PAPPA2: variants seen among roughly 807,000 people sequenced by gnomAD.
PAPPA2 encodes pappalysin 2.
In PAPPA2, 86 loss-of-function variants were observed where a neutral mutation model predicts 176.4. That is an observed-to-expected ratio of 0.49 (90% confidence interval 0.41 to 0.58). The LOEUF is 0.58. Among genes scored for constraint, PAPPA2 ranks in the 20% least tolerant of loss-of-function variants. PAPPA2 has a pLI of 0.00. For synonymous variants in PAPPA2, 809 were observed against 852.2 expected, an observed-to-expected ratio of 0.95 and a Z score of 0.88; for missense variants, 2,073 against 2,256.9, an observed-to-expected ratio of 0.92 and a Z score of 1.65.
intron 3 of PAPPA2, among the ~76,000 whole-genome samples, chr1:176,597,025 A>G (rs1214235536): frequency 1.3e-5 from 2 of 152,184 alleles, no homozygotes; most frequent in African/African-American, 2.4e-5. Flanking sequence ...TGTATTGGAC[A>G]CCATTTGTAC....
At chr1:176,634,721 A>C (rs1656562126) in intron 3 of PAPPA2, among the ~76,000 whole-genome samples, 1 of 151,928 alleles carries the variant, frequency 6.6e-6, no homozygotes, top group Non-Finnish European at 1.5e-5. Context: ...GTAGTCTGGG[A>C]AAAGATAAAT....
chr1:176,527,956 C>T (rs1261304302), intron 1 of PAPPA2, among the ~76,000 whole-genome samples: 1 of 152,224 alleles, frequency 6.6e-6, no homozygotes, highest in Admixed American at 6.5e-5. Flanking sequence ...ATGGCCAACT[C>T]ATTTCAACTT....
intron 3 of PAPPA2, among the ~76,000 whole-genome samples, chr1:176,650,206 G>A (rs1200240413): frequency 6.6e-6 from 1 of 151,322 alleles, no homozygotes; most frequent in Non-Finnish European, 1.5e-5. Context: ...TGAAATAAAT[G>A]TAGCTACTCC....
At chr1:176,691,048 A>C in intron 5 of PAPPA2, 2 of 985,474 alleles carry the variant, frequency 2.0e-6, no homozygotes, top group Non-Finnish European at 2.4e-6. Flanking sequence ...GCCCTCGGAA[A>C]AACTTGTCAT....
chr1:176,707,800 T>C (rs1452387204), intron 10 of PAPPA2, among the ~76,000 whole-genome samples: 2 of 152,140 alleles, frequency 1.3e-5, no homozygotes, highest in African/African-American at 4.8e-5. Context: ...ACAGAGGATA[T>C]ATATTTTTTT....
chr1:176,698,386 C>A (rs764072098), intron 7 of PAPPA2, among the ~76,000 whole-genome samples: 21 of 152,180 alleles, frequency 1.4e-4, no homozygotes, highest in Non-Finnish European at 2.2e-4. Flanking sequence ...CTCTTCAACT[C>A]CCATCACACG....
chr1:176,793,742 A>C, intron 20 of PAPPA2, 73 bp downstream of exon 20: 1 of 1,205,542 alleles, frequency 8.3e-7, no homozygotes, highest in Non-Finnish European at 1.2e-6. Context: ...TATTTTTTGG[A>C]GTAATTTCAG....
chr1:176,689,662 G>A (rs527254030), intron 4 of PAPPA2, among the ~76,000 whole-genome samples: 2 of 152,306 alleles, frequency 1.3e-5, no homozygotes, highest in African/African-American at 4.8e-5. Context: ...GGATGTGGAG[G>A]GGCAGGAGTT....
chr1:176,754,319 T>C (rs1283010842), intron 14 of PAPPA2, among the ~76,000 whole-genome samples: 1 of 152,200 alleles, frequency 6.6e-6, no homozygotes, highest in Non-Finnish European at 1.5e-5. Context: ...CTTATCATAG[T>C]TCCTGAAATT....
At chr1:176,500,957 G>T (rs1234889210) in intron 1 of PAPPA2, among the ~76,000 whole-genome samples, 1 of 151,736 alleles carries the variant, frequency 6.6e-6, no homozygotes, top group Non-Finnish European at 1.5e-5. Flanking sequence ...AAGGTTGCTA[G>T]GTTAGCATTA....
At chr1:176,750,705 A>T (rs1303486119) in intron 14 of PAPPA2, among the ~76,000 whole-genome samples, 1 of 152,232 alleles carries the variant, frequency 6.6e-6, no homozygotes, top group African/African-American at 2.4e-5. Context: ...TCTTACAAAA[A>T]TAATAGTAAG....
chr1:176,550,668 T>C (rs920373625), intron 1 of PAPPA2, among the ~76,000 whole-genome samples: 5 of 152,246 alleles, frequency 3.3e-5, no homozygotes, highest in African/African-American at 1.2e-4. Context: ...TTTTAAAACA[T>C]GACCATTAAC....
intron 20 of PAPPA2, 85 bp downstream of exon 20, chr1:176,793,754 G>A (rs1383025596): frequency 7.0e-6 from 7 of 998,036 alleles, no homozygotes; most frequent in Non-Finnish European, 1.0e-5. Context: ...TAATTTCAGA[G>A]GCTTTCAAAG....
intron 21 of PAPPA2, among the ~76,000 whole-genome samples, chr1:176,838,727 C>T (rs1412918344): frequency 6.6e-6 from 1 of 152,190 alleles, no homozygotes; most frequent in Non-Finnish European, 1.5e-5. Flanking sequence ...GAATCTTTGT[C>T]TTTTATCCCA....
chr1:176,549,869 C>T (rs67519798), intron 1 of PAPPA2, among the ~76,000 whole-genome samples: 17,677 of 152,244 alleles, frequency 0.12, 1,714 homozygotes, highest in African/African-American at 0.26. Context: ...GAGGCATAAT[C>T]TACATATAGC....
At chr1:176,500,422 T>A (rs1197820123) in intron 1 of PAPPA2, among the ~76,000 whole-genome samples, 2 of 150,486 alleles carry the variant, frequency 1.3e-5, no homozygotes, top group Non-Finnish European at 3.0e-5. Flanking sequence ...AAAAGCTTTT[T>A]TCACTGTAAT....
chr1:176,567,885 C>G (rs1057403600), intron 2 of PAPPA2, among the ~76,000 whole-genome samples: 3 of 152,144 alleles, frequency 2.0e-5, no homozygotes, highest in African/African-American at 7.2e-5. Flanking sequence ...TTCAAAGTGT[C>G]AAATGGCACA....
chr1:176,625,473 G>A (rs746385200), intron 3 of PAPPA2, among the ~76,000 whole-genome samples: 1 of 152,094 alleles, frequency 6.6e-6, no homozygotes, highest in Non-Finnish European at 1.5e-5. Context: ...AAGTGAAGAA[G>A]CAAATCAGTA....
intron 4 of PAPPA2, among the ~76,000 whole-genome samples, chr1:176,671,775 A>G (rs566938253): frequency 1.3e-5 from 2 of 152,060 alleles, no homozygotes; most frequent in Admixed American, 6.6e-5. Flanking sequence ...CATGGATGAA[A>G]TTGGAAATCA....
Sources: gnomAD v4.1 joint callset for allele counts (sites outside exome capture counted in the v4.1 genomes callset) on GRCh38, gnomAD v4.1.1 for gene constraint, MANE v1.5 for transcripts, NCBI Gene and HGNC (gene_info 2026-07-23, HGNC 2026-07-21) for gene names.